The following DAP variants were observed in gnomAD, a reference collection of about 807,000 sequenced individuals.
DAP encodes the protein death associated protein, also known as death-associated protein 1.
DAP carries 8 observed loss-of-function variants against 13.8 expected under a neutral mutation model. The observed-to-expected ratio is 0.58, with a 90% confidence interval of 0.34 to 1.05. The LOEUF (loss-of-function observed/expected upper bound fraction) is 1.05, where lower values mean the gene tolerates loss of function less well. DAP is among the 50% of genes least tolerant of loss of function. The pLI is 0.03. For missense variants in DAP, 106 were observed against 133.2 expected (o/e 0.80, Z 1.01); for synonymous variants, 47 against 47.5 (o/e 0.99, Z 0.04).
chr5:10,701,916 AT>A (rs1738588744), intron 2 of DAP, among the ~76,000 whole-genome samples: 1 of 152,172 alleles, frequency 6.6e-6, no homozygotes, highest in South Asian at 2.1e-4. Context: ...CATGGAAGAA[AT>A]GCTCGGATTG....
At position 10,761,102 on chromosome 5, in the gene DAP, G is replaced by C. The variant is rs1385879605; in HGVS notation, c.-34C>G. 1.7e-6 allele frequency: 2 copies of C among 1,178,602 alleles called. No homozygotes were observed. Among genetic ancestry groups the C allele is most frequent in the South Asian group, 3.9e-5 (1 of 25,888 alleles). The allele number at this position is 1,178,602 out of a possible 1,614,324, so 73.0% of individuals were successfully genotyped here. On this transcript the variant is annotated 5_prime_UTR_variant, in exon 1 of 4. Transcript: ENST00000230895. ...GGGGCTTCCGCGGGGCCGAGGCGGCGGCGCGGTTCTCGGGCCGGGCGGGCG... is the reference window on the plus strand; with the variant it reads ...GGGGCTTCCGCGGGGCCGAGGCGGCCGCGCGGTTCTCGGGCCGGGCGGGCG...
intron 2 of DAP, among the ~76,000 whole-genome samples, chr5:10,689,878 A>G (rs1398278045): frequency 1.3e-5 from 2 of 152,134 alleles, no homozygotes; most frequent in Non-Finnish European, 2.9e-5. Flanking sequence ...AGGGACAGGG[A>G]ATGTCACTCA....
chr5:10,703,670 T>A (rs1043787836), intron 2 of DAP, among the ~76,000 whole-genome samples: 8 of 152,252 alleles, frequency 5.3e-5, no homozygotes, highest in African/African-American at 1.7e-4. Flanking sequence ...CATAACGGAC[T>A]GGTACAACAA....
intron 2 of DAP, among the ~76,000 whole-genome samples, chr5:10,728,123 G>T (rs6897156): frequency 0.088 from 13,472 of 152,242 alleles, 814 homozygotes; most frequent in African/African-American, 0.17. Context: ...AACAGGCAAA[G>T]AAAAGAACAT....
At chr5:10,719,764 T>G (rs1354266653) in intron 2 of DAP, among the ~76,000 whole-genome samples, 2 of 152,130 alleles carry the variant, frequency 1.3e-5, no homozygotes, top group Non-Finnish European at 2.9e-5. Flanking sequence ...TGGTCTCCAC[T>G]CCTGCCACCC....
At chr5:10,721,849 T>C (rs745875638) in intron 2 of DAP, among the ~76,000 whole-genome samples, 2 of 152,264 alleles carry the variant, frequency 1.3e-5, no homozygotes, top group Non-Finnish European at 2.9e-5. Flanking sequence ...TGTTTGTGCA[T>C]GTATACACTT....
intron 2 of DAP, among the ~76,000 whole-genome samples, chr5:10,702,996 G>C (rs911028015): frequency 1.1e-4 from 16 of 152,244 alleles, no homozygotes; most frequent in African/African-American, 3.9e-4. Context: ...TCAAATGCCT[G>C]AAGAATCTGG....
At chr5:10,747,682 C>G (rs749428958) in intron 2 of DAP, among the ~76,000 whole-genome samples, 2 of 152,200 alleles carry the variant, frequency 1.3e-5, no homozygotes, top group Non-Finnish European at 2.9e-5. Flanking sequence ...CAACAGAAAC[C>G]TGGAGTACAA....
chr5:10,756,142 CAA>C (rs1740176267), intron 1 of DAP, among the ~76,000 whole-genome samples: 1 of 92,952 alleles, frequency 1.1e-5, no homozygotes, highest in African/African-American at 4.7e-5. Flanking sequence ...CCTGTCTAGA[CAA>C]GAACAACAAA....
chr5:10,703,406 A>C (rs1311119133), intron 2 of DAP, among the ~76,000 whole-genome samples: 1 of 151,994 alleles, frequency 6.6e-6, no homozygotes, highest in Non-Finnish European at 1.5e-5. Context: ...GTGCACAGGC[A>C]GGGGGGGTGT....
At chr5:10,721,945 T>C (rs975156670) in intron 2 of DAP, among the ~76,000 whole-genome samples, 1 of 152,248 alleles carries the variant, frequency 6.6e-6, no homozygotes, top group Admixed American at 6.5e-5. Context: ...ATTTAAGTAT[T>C]GCTAATCTTA....
At chr5:10,689,021 TCCTC>T (rs1738230513) in intron 2 of DAP, among the ~76,000 whole-genome samples, 1 of 151,994 alleles carries the variant, frequency 6.6e-6, no homozygotes, top group African/African-American at 2.4e-5. Flanking sequence ...GTCCCGCCCT[TCCTC>T]CCTGCCCTCG....
At chr5:10,706,996 G>C (rs1367744490) in intron 2 of DAP, among the ~76,000 whole-genome samples, 1 of 152,164 alleles carries the variant, frequency 6.6e-6, no homozygotes, top group Non-Finnish European at 1.5e-5. Context: ...AACTATAAGA[G>C]GGAAGGATGG....
chr5:10,728,139 C>T (rs575061078), intron 2 of DAP, among the ~76,000 whole-genome samples: 2 of 152,242 alleles, frequency 1.3e-5, no homozygotes, highest in South Asian at 2.1e-4. Context: ...AACATGAAGG[C>T]GGTTGTAACT....
At chr5:10,689,960 G>C (rs1475150802) in intron 2 of DAP, among the ~76,000 whole-genome samples, 1 of 152,152 alleles carries the variant, frequency 6.6e-6, no homozygotes, top group East Asian at 1.9e-4. Context: ...AATTAACCTG[G>C]GGAAGAACAA....
rs5745258 is a variant in DAP at position 10,696,413 on chromosome 5, T to C, written c.153-12842A>G. On this transcript the variant is annotated intron_variant, in intron 2 of 3. Coordinates refer to ENST00000230895, the MANE Select transcript of DAP (RefSeq NM_004394.3). ...CCATCTCCACAGGAGTCATAGGCGA[T>C]TCAGAACCACAGACAAAAGCAGTGT... Among the ~76,000 whole-genome samples the C allele has an allele frequency of 9.5e-3, 1,447 of 152,260 alleles. 25 individuals are homozygous for C. Among genetic ancestry groups the C allele is most frequent in the South Asian group, 0.044 (211 of 4,820 alleles).
chr5:10,695,926 T>C (rs186754188), intron 2 of DAP, among the ~76,000 whole-genome samples: 146 of 152,028 alleles, frequency 9.6e-4, no homozygotes, highest in Non-Finnish European at 4.7e-4. Context: ...GTTGGGTGAA[T>C]AGGGCTCATC....
intron 1 of DAP, among the ~76,000 whole-genome samples, chr5:10,751,575 G>A (rs574147921): frequency 2.0e-5 from 3 of 152,204 alleles, no homozygotes; most frequent in Non-Finnish European, 4.4e-5. Context: ...ATGCTATTAC[G>A]GGCTGAATAG....
chr5:10,711,261 C>T (rs773438376), intron 2 of DAP, among the ~76,000 whole-genome samples: 4 of 152,238 alleles, frequency 2.6e-5, no homozygotes, highest in South Asian at 2.1e-4. Context: ...CAGTTGGTGG[C>T]TGAAGTCCGC....
Sources: gnomAD v4.1 joint callset for allele counts (sites outside exome capture counted in the v4.1 genomes callset) on GRCh38, gnomAD v4.1.1 for gene constraint, MANE v1.5 for transcripts, NCBI Gene and HGNC (gene_info 2026-07-23, HGNC 2026-07-21) for gene names.